Variants in GFM2 observed in about 807,000 individuals in gnomAD.
GFM2 encodes GTP dependent ribosome recycling factor mitochondrial 2.
GFM2 carries 72 observed loss-of-function variants against 95.4 expected under a neutral mutation model. The ratio of observed to expected loss-of-function variants is 0.76; its 90% CI spans 0.62 to 0.92. The LOEUF (loss-of-function observed/expected upper bound fraction) is 0.92, where lower values mean the gene tolerates loss of function less well. Among genes scored for constraint, GFM2 ranks in the 40% least tolerant of loss-of-function variants. The pLI is 0.00. For synonymous variants in GFM2, 276 were observed against 317.5 expected (o/e 0.87, Z 1.39); for missense variants, 825 against 924.1 (o/e 0.89, Z 1.39).
Position 74,725,584 on chromosome 5 carries a change from G to A in GFM2, c.2028+56C>T, listed in dbSNP as rs1750107396. 36 of 1,141,286 alleles carry A rather than the reference G, an allele frequency of 3.2e-5. No homozygotes were observed. In the South Asian group the frequency reaches 4.5e-4, roughly 14 times the overall value. 70.7% of individuals were successfully genotyped at this position (1,141,286 alleles called of 1,614,324 possible). ...AAACACAGCTGTCTGCAAGATCAGT[G>A]GTACTATACTCAGAAGAGTCACCTT... On this transcript the variant is annotated intron_variant, in intron 19 of 20. Transcript: ENST00000296805.
intron 5 of GFM2, among the ~76,000 whole-genome samples, 160 bp downstream of exon 5, chr5:74,758,689 C>T (rs1034765355): frequency 1.4e-4 from 21 of 152,148 alleles, no homozygotes; most frequent in Non-Finnish European, 2.8e-4. Flanking sequence ...CTAAGAAGAC[C>T]CTTTGGTGGG....
chr5:74,756,470 G>A (rs950091709), intron 5 of GFM2, among the ~76,000 whole-genome samples: 42 of 152,054 alleles, frequency 2.8e-4, no homozygotes, highest in African/African-American at 8.2e-4. Context: ...ATATTTTTGC[G>A]AATTGTGATG....
chr5:74,757,468 T>C (rs1229396000), intron 5 of GFM2, among the ~76,000 whole-genome samples: 1 of 152,040 alleles, frequency 6.6e-6, no homozygotes, highest in Non-Finnish European at 1.5e-5. Flanking sequence ...AATAAATAAA[T>C]AAAAACACAT....
intron 8 of GFM2, among the ~76,000 whole-genome samples, chr5:74,746,662 AG>A (rs1161557019): frequency 6.6e-6 from 1 of 152,200 alleles, no homozygotes; most frequent in Non-Finnish European, 1.5e-5. Context: ...GGCTACCTAT[AG>A]AACACATGCC....
At chr5:74,741,434 G>A (rs1743098641) in intron 11 of GFM2, 95 bp downstream of exon 11, 2 of 650,406 alleles carry the variant, frequency 3.1e-6, no homozygotes, top group Admixed American at 6.3e-5. Context: ...AATATGCAAA[G>A]TTTAAAAAAA....
intron 17 of GFM2, among the ~76,000 whole-genome samples, chr5:74,728,492 C>A (rs1750251340): frequency 6.6e-6 from 1 of 152,088 alleles, no homozygotes; most frequent in Non-Finnish European, 1.5e-5. Flanking sequence ...AAAGGCAGGA[C>A]AATAATCCAT....
chr5:74,722,014 G>A (rs895536912), intron 20 of GFM2, among the ~76,000 whole-genome samples: 6 of 152,162 alleles, frequency 3.9e-5, no homozygotes, highest in Admixed American at 6.5e-5. Flanking sequence ...TTTGTTAGAT[G>A]GCTTTGCCGG....
At chr5:74,754,492 T>C (rs1365420547) in intron 5 of GFM2, among the ~76,000 whole-genome samples, 1 of 151,784 alleles carries the variant, frequency 6.6e-6, no homozygotes, top group Non-Finnish European at 1.5e-5. Context: ...AAGACTCAAA[T>C]AAACTTAAGG....
At chr5:74,763,639 G>A in intron 2 of GFM2, 41 bp downstream of exon 2, 1 of 1,150,404 alleles carries the variant, frequency 8.7e-7, no homozygotes. Context: ...TAAAGGAGCT[G>A]AGGTTGTTAA....
intron 15 of GFM2, chr5:74,733,327 CA>C (rs1289963296): frequency 1.5e-5 from 3 of 197,290 alleles, no homozygotes; most frequent in Non-Finnish European, 2.7e-5. Flanking sequence ...CCCGTCTTTA[CA>C]AAAAAAGAAA....
At chr5:74,727,506 A>G (rs1240908743) in intron 17 of GFM2, among the ~76,000 whole-genome samples, 6 of 152,216 alleles carry the variant, frequency 3.9e-5, no homozygotes, top group African/African-American at 1.4e-4. Flanking sequence ...AACAGTCAGC[A>G]CTTGGCATTC....
intron 20 of GFM2, among the ~76,000 whole-genome samples, chr5:74,722,064 G>T (rs776788275): frequency 6.6e-6 from 1 of 152,156 alleles, no homozygotes; most frequent in Non-Finnish European, 1.5e-5. Flanking sequence ...AGGCTGACGG[G>T]AGAAGAATGA....
At chr5:74,754,665 A>T (rs1188335126) in intron 5 of GFM2, among the ~76,000 whole-genome samples, 2 of 152,240 alleles carry the variant, frequency 1.3e-5, no homozygotes, top group Non-Finnish European at 2.9e-5. Context: ...AAAATATCGC[A>T]ATCCTAAATA....
At chr5:74,739,909 T>G (rs1193278615) in intron 12 of GFM2, 80 bp downstream of exon 12, 1 of 1,021,130 alleles carries the variant, frequency 9.8e-7, no homozygotes, top group African/African-American at 1.7e-5. Context: ...AAATGGTGAT[T>G]TAACTACTTT....
intron 16 of GFM2, 146 bp from the exon 17 acceptor site, chr5:74,730,544 C>A: frequency 2.0e-6 from 1 of 488,270 alleles, no homozygotes; most frequent in Non-Finnish European, 3.4e-6. Context: ...GCTTTTACAT[C>A]AAAACATTGC....
At chr5:74,757,721 C>G (rs1744063265) in intron 5 of GFM2, among the ~76,000 whole-genome samples, 1 of 109,920 alleles carries the variant, frequency 9.1e-6, no homozygotes, top group Admixed American at 1.2e-4. Flanking sequence ...AGAGCAAGAG[C>G]CTATGTCTCT....
At chr5:74,760,594 T>G (rs1336039343) in intron 3 of GFM2, among the ~76,000 whole-genome samples, 1 of 152,078 alleles carries the variant, frequency 6.6e-6, no homozygotes, top group African/African-American at 2.4e-5. Context: ...AGAAATAAAC[T>G]AGAAAAAGAA....
chr5:74,723,974 G>A (rs985384748), intron 19 of GFM2, among the ~76,000 whole-genome samples: 4 of 152,048 alleles, frequency 2.6e-5, no homozygotes, highest in African/African-American at 9.7e-5. Context: ...AGTGCCTGGT[G>A]AACTATAAGC....
chr5:74,766,851 T>A (rs1744652535), intron 1 of GFM2, 87 bp downstream of exon 1: 1 of 153,080 alleles, frequency 6.5e-6, no homozygotes, highest in African/African-American at 2.4e-5. Flanking sequence ...GCTGGCTGTG[T>A]CCGTCGCAGC....
Sources: gnomAD v4.1 joint callset for allele counts (sites outside exome capture counted in the v4.1 genomes callset) on GRCh38, gnomAD v4.1.1 for gene constraint, MANE v1.5 for transcripts, NCBI Gene and HGNC (gene_info 2026-07-23, HGNC 2026-07-21) for gene names.